The following NR1H4 variants were observed in gnomAD, a reference collection of about 807,000 sequenced individuals.
NR1H4 encodes nuclear receptor subfamily 1 group H member 4, also known as bile acid receptor.
In NR1H4, 23 loss-of-function variants were observed where a neutral mutation model predicts 58.5. The observed-to-expected ratio is 0.39, with a 90% CI of 0.28 to 0.56. NR1H4 has a LOEUF of 0.56. Ranked by LOEUF, NR1H4 falls within the 20% of genes least tolerant of loss-of-function variation. The pLI is 0.58. For synonymous variants in NR1H4, 214 were observed against 198.0 expected (o/e 1.08, Z -0.68); for missense variants, 487 against 576.9 (o/e 0.84, Z 1.60).
intron 1 of NR1H4, among the ~76,000 whole-genome samples, chr12:100,485,699 A>G (rs1276173857): frequency 1.3e-5 from 2 of 151,574 alleles, no homozygotes; most frequent in Non-Finnish European, 2.9e-5. Context: ...CCCCCGGCTA[A>G]TTTTTTGTAT....
intron 5 of NR1H4, among the ~76,000 whole-genome samples, chr12:100,533,980 T>A (rs1954754789): frequency 6.6e-6 from 1 of 151,448 alleles, no homozygotes; most frequent in Non-Finnish European, 1.5e-5. Context: ...CACTGCAAGC[T>A]CCGCTTCCCG....
At chr12:100,536,355 G>T (rs1954812000) in intron 6 of NR1H4, among the ~76,000 whole-genome samples, 157 bp from the exon 7 acceptor site, 1 of 151,482 alleles carries the variant, frequency 6.6e-6, no homozygotes, top group Non-Finnish European at 1.5e-5. Context: ...CCCAGAGAAA[G>T]AAATTATACA....
intron 5 of NR1H4, 26 bp from the exon 6 acceptor site, chr12:100,534,864 G>C (rs746584027): frequency 6.2e-7 from 1 of 1,613,772 alleles, no homozygotes; most frequent in Non-Finnish European, 8.5e-7. Flanking sequence ...TGTGATTGGT[G>C]AAGTCTCTAT....
intron 8 of NR1H4, among the ~76,000 whole-genome samples, chr12:100,539,749 T>A (rs1369519576): frequency 2.0e-5 from 3 of 152,048 alleles, no homozygotes; most frequent in African/African-American, 7.3e-5. Flanking sequence ...CCAGTAGAGG[T>A]GGCAGACAAT....
intron 8 of NR1H4, among the ~76,000 whole-genome samples, chr12:100,537,681 A>C (rs1198970092): frequency 1.3e-5 from 2 of 152,234 alleles, no homozygotes; most frequent in Admixed American, 1.3e-4. Flanking sequence ...AAGCAGCAGC[A>C]TTCCAAGTTG....
At chr12:100,502,419 C>T (rs1201229480) in intron 3 of NR1H4, among the ~76,000 whole-genome samples, 2 of 152,186 alleles carry the variant, frequency 1.3e-5, no homozygotes, top group African/African-American at 4.8e-5. Context: ...CCAGGGCTCT[C>T]TCCTTGGCCC....
intron 4 of NR1H4, among the ~76,000 whole-genome samples, chr12:100,513,818 A>AAGGG (rs1954190532): frequency 2.1e-5 from 1 of 47,054 alleles, no homozygotes; most frequent in Non-Finnish European, 5.1e-5. Flanking sequence ...GGAAGGAAGG[A>AAGGG]AGGAAGGAAG....
At chr12:100,476,996 G>A (rs1028515016) in intron 1 of NR1H4, among the ~76,000 whole-genome samples, 3 of 152,062 alleles carry the variant, frequency 2.0e-5, no homozygotes, top group African/African-American at 4.8e-5. Context: ...ATCACCATAC[G>A]AGTGTCCTTA....
At chr12:100,491,135 G>T (rs751645452) in intron 1 of NR1H4, among the ~76,000 whole-genome samples, 2 of 152,012 alleles carry the variant, frequency 1.3e-5, no homozygotes, top group Non-Finnish European at 2.9e-5. Context: ...AGGACCTCCC[G>T]CTCCTATCAG....
At chr12:100,544,588 C>A (rs1955015400) in intron 9 of NR1H4, among the ~76,000 whole-genome samples, 2 of 152,034 alleles carry the variant, frequency 1.3e-5, no homozygotes, top group South Asian at 4.1e-4. Flanking sequence ...ATAATAAAAT[C>A]TTGATAAGAC....
At chr12:100,537,996 C>T (rs1232032130) in intron 8 of NR1H4, among the ~76,000 whole-genome samples, 1 of 152,158 alleles carries the variant, frequency 6.6e-6, no homozygotes, top group Non-Finnish European at 1.5e-5. Context: ...AGGCGCAAGC[C>T]ACCATGTCTG....
intron 5 of NR1H4, among the ~76,000 whole-genome samples, chr12:100,532,871 C>T (rs1162458811): frequency 2.0e-5 from 3 of 152,136 alleles, no homozygotes; most frequent in African/African-American, 4.8e-5. Flanking sequence ...ATTAACATAC[C>T]ATTCAAATAA....
rs1034220362 is a variant in NR1H4, at chr12:100,473,931, C to T, written c.-318C>T. 7 of 152,224 alleles carry T rather than the reference C, an allele frequency of 4.6e-5. No individual in the cohort carries two copies. The highest frequency in any genetic ancestry group is 7.3e-5 in the Non-Finnish European group (5 of 68,068). 9.4% of individuals were successfully genotyped at this position (152,224 alleles called of 1,614,324 possible). ...CTCCTCCTCCTCACCTCATTGTCTCCCCGACTTATCCTAATGCGAAATTGG... is the reference window on the plus strand; with the variant it reads ...CTCCTCCTCCTCACCTCATTGTCTCTCCGACTTATCCTAATGCGAAATTGG... On this transcript the variant is annotated 5_prime_UTR_variant, in exon 1 of 11. Transcript: ENST00000392986.
chr12:100,506,032 CACACACACACAGAGAG>C (rs1464414903), intron 3 of NR1H4, among the ~76,000 whole-genome samples: 4 of 141,600 alleles, frequency 2.8e-5, no homozygotes, highest in African/African-American at 1.2e-4. Context: ...CACACACACA[CACACACACACAGAGAG>C]AGAGAGAGAA....
rs563219710 is a variant in NR1H4 at position 100,498,863 on chromosome 12, G to A, written c.79+5461G>A. ...ATTCACTTATCTTTCATTTCCTTTGGCTATTTCTCATTGCCTTATGCTTCA... is the reference window on the plus strand; with the variant it reads ...ATTCACTTATCTTTCATTTCCTTTGACTATTTCTCATTGCCTTATGCTTCA... On this transcript the variant is annotated intron_variant, in intron 3 of 10. Transcript: ENST00000392986. Among the ~76,000 whole-genome samples the A allele has an allele frequency of 3.3e-5, 5 of 152,072 alleles. No homozygotes were observed. In the East Asian group the frequency reaches 9.7e-4, roughly 29 times the overall value.
At chr12:100,559,951 A>G (rs1163222354) in intron 9 of NR1H4, among the ~76,000 whole-genome samples, 3 of 152,052 alleles carry the variant, frequency 2.0e-5, no homozygotes, top group African/African-American at 4.8e-5. Context: ...ACCAATCGAC[A>G]CTGTATCTAG....
intron 2 of NR1H4, among the ~76,000 whole-genome samples, chr12:100,493,069 G>A (rs74800945): frequency 0.026 from 3,892 of 152,016 alleles, 176 homozygotes; most frequent in African/African-American, 0.089. Flanking sequence ...ATGCAAGCAC[G>A]TATCTTGGGC....
At chr12:100,486,334 C>T (rs537356214) in intron 1 of NR1H4, among the ~76,000 whole-genome samples, 5 of 152,060 alleles carry the variant, frequency 3.3e-5, no homozygotes, top group African/African-American at 7.2e-5. Flanking sequence ...TAGAAGTTTA[C>T]GATCTGGTGA....
intron 3 of NR1H4, among the ~76,000 whole-genome samples, chr12:100,497,352 C>T (rs1953738763): frequency 1.3e-5 from 2 of 152,094 alleles, no homozygotes; most frequent in Non-Finnish European, 2.9e-5. Flanking sequence ...GACAGGTGGT[C>T]AGCCTGCAGT....
Sources: gnomAD v4.1 joint callset for allele counts (sites outside exome capture counted in the v4.1 genomes callset) on GRCh38, gnomAD v4.1.1 for gene constraint, MANE v1.5 for transcripts, NCBI Gene and HGNC (gene_info 2026-07-23, HGNC 2026-07-21) for gene names.